The following COL6A5 variants were observed in gnomAD, a reference collection of about 807,000 sequenced individuals.
COL6A5 encodes the protein collagen type VI alpha 5 chain, also known as collagen alpha-5(VI) chain.
COL6A5 carries 48 observed loss-of-function variants against 65.6 expected under a neutral mutation model. That is an observed-to-expected ratio of 0.73 (90% CI 0.58 to 0.93). COL6A5 has a LOEUF of 0.93. Ranked by LOEUF, COL6A5 falls within the 40% of genes least tolerant of loss-of-function variation. COL6A5 has a pLI of 0.00. For missense variants in COL6A5, 914 were observed against 928.3 expected (o/e 0.98, Z 0.20); for synonymous variants, 291 against 322.8 (o/e 0.90, Z 1.05).
At chr3:130,386,979 A>G (rs530316164) in intron 5 of COL6A5, among the ~76,000 whole-genome samples, 27 of 152,086 alleles carry the variant, frequency 1.8e-4, no homozygotes, top group African/African-American at 5.1e-4. Context: ...AAAAGACCCC[A>G]GACTACACAG....
At chr3:130,416,204 G>A (rs1559890497) in intron 23 of COL6A5, among the ~76,000 whole-genome samples, 1 of 152,048 alleles carries the variant, frequency 6.6e-6, no homozygotes, top group Non-Finnish European at 1.5e-5. Flanking sequence ...GGATGTGTAG[G>A]AAAAATGTTC....
chr3:130,427,564 A>G (rs551443755), upstream of COL6A5, among the ~76,000 whole-genome samples: 1 of 152,250 alleles, frequency 6.6e-6, no homozygotes, highest in African/African-American at 2.4e-5. Flanking sequence ...TTTTAGGGGT[A>G]GAGGAATCTT....
chr3:130,405,517 G>A (rs1936954853), intron 13 of COL6A5, 71 bp from the exon 14 acceptor site: 4 of 1,107,132 alleles, frequency 3.6e-6, no homozygotes, highest in Non-Finnish European at 5.4e-6. Context: ...TCTTAACTCT[G>A]TGAAAATAAA....
intron 1 of COL6A5, among the ~76,000 whole-genome samples, chr3:130,353,723 G>GA (rs11396453): frequency 0.84 from 125,571 of 149,894 alleles, 54,205 homozygotes; most frequent in East Asian, 0.99. Context: ...TAAAATTTCT[G>GA]AAAAAAAAAG....
chr3:130,409,681 C>T (rs1386305239), intron 18 of COL6A5, among the ~76,000 whole-genome samples: 2 of 152,136 alleles, frequency 1.3e-5, no homozygotes, highest in Non-Finnish European at 2.9e-5. Flanking sequence ...TATTTGCAGA[C>T]TTAGTTACGG....
chr3:130,427,859 A>G (rs2107690675), upstream of COL6A5, among the ~76,000 whole-genome samples: 1 of 152,130 alleles, frequency 6.6e-6, no homozygotes, highest in South Asian at 2.1e-4. Context: ...GGAAGGAGGC[A>G]ATGGAGAGGA....
At chr3:130,373,687 T>C (rs1248490012) in exon 2 of COL6A5, 3 of 1,540,770 alleles carry the variant, frequency 1.9e-6, no homozygotes, top group Non-Finnish European at 1.8e-6. Context: ...GACTGAAACA[T>C]TGGCAGACCA....
chr3:130,470,755 G>A (rs1050239057), intron 6 of COL6A5, 116 bp from the exon 39 acceptor site: 9 of 693,902 alleles, frequency 1.3e-5, no homozygotes, highest in Admixed American at 2.4e-5. Context: ...TGTGAAGTCC[G>A]TTATAAAAGT....
intron 1 of COL6A5, among the ~76,000 whole-genome samples, chr3:130,434,107 G>A (rs1937942088): frequency 6.6e-6 from 1 of 152,046 alleles, no homozygotes; most frequent in Non-Finnish European, 1.5e-5. Flanking sequence ...CCCCTCGACA[G>A]GCCCTGGTGT....
chr3:130,382,988 CACA>C (rs576368682), intron 4 of COL6A5, among the ~76,000 whole-genome samples: 151 of 152,116 alleles, frequency 9.9e-4, no homozygotes, highest in African/African-American at 3.3e-3. Context: ...GTGGTGGAAT[CACA>C]ACAAGAGAGT....
chr3:130,381,650 G>T (rs1054909326), intron 4 of COL6A5, among the ~76,000 whole-genome samples: 2 of 152,108 alleles, frequency 1.3e-5, no homozygotes, highest in African/African-American at 4.8e-5. Flanking sequence ...ATCTAATTCT[G>T]AGATATCTGC....
At chr3:130,426,374 A>T in exon 31 of COL6A5, 1 of 1,551,344 alleles carries the variant, frequency 6.4e-7, no homozygotes, top group Non-Finnish European at 8.7e-7. Context: ...CAGCAATGTG[A>T]TCTGATCCGG....
intron 7 of COL6A5, chr3:130,476,965 G>A (rs1710114985): frequency 1.2e-6 from 1 of 819,572 alleles, no homozygotes; most frequent in South Asian, 1.4e-5. Flanking sequence ...GAAAATATCA[G>A]CTTGTCTTTT....
intron 7 of COL6A5, among the ~76,000 whole-genome samples, chr3:130,474,887 G>A (rs574926052): frequency 1.3e-5 from 2 of 151,192 alleles, no homozygotes; most frequent in East Asian, 3.9e-4. Context: ...CTTGTACATA[G>A]TCCCAGGTAC....
intron 6 of COL6A5, among the ~76,000 whole-genome samples, chr3:130,470,259 C>G (rs924001195): frequency 2.0e-5 from 3 of 152,060 alleles, no homozygotes; most frequent in Non-Finnish European, 2.9e-5. Context: ...TAAGATCAAA[C>G]AAGTCCTAGC....
At chr3:130,373,500 C>T (rs1935639341) in intron 1 of COL6A5, 111 bp from the exon 2 acceptor site, 5 of 613,904 alleles carry the variant, frequency 8.1e-6, no homozygotes, top group Non-Finnish European at 1.5e-5. Flanking sequence ...ACACTTGGCA[C>T]TGCTTGACAA....
chr3:130,374,063 C>A (rs748946266), intron 2 of COL6A5, among the ~76,000 whole-genome samples: 2 of 152,114 alleles, frequency 1.3e-5, no homozygotes, highest in Admixed American at 6.5e-5. Context: ...TAAGTATTTT[C>A]GTGACTAAAA....
At chr3:130,439,693 C>A in intron 2 of COL6A5, 78 bp downstream of exon 34, 1 of 966,622 alleles carries the variant, frequency 1.0e-6, no homozygotes, top group South Asian at 1.6e-5. Flanking sequence ...TGGTTTTATC[C>A]AGAGATTTCT....
chr3:130,385,781 T>C (rs761723975), intron 5 of COL6A5, among the ~76,000 whole-genome samples: 2 of 152,000 alleles, frequency 1.3e-5, no homozygotes, highest in Non-Finnish European at 2.9e-5. Flanking sequence ...TCTAGATAGC[T>C]TAGGGTTTGA....
Sources: gnomAD v4.1 joint callset for allele counts (sites outside exome capture counted in the v4.1 genomes callset) on GRCh38, gnomAD v4.1.1 for gene constraint, MANE v1.5 for transcripts, NCBI Gene and HGNC (gene_info 2026-07-23, HGNC 2026-07-21) for gene names.